TNFRSF4: variants seen among roughly 807,000 people sequenced by gnomAD.
TNFRSF4 encodes tumor necrosis factor receptor superfamily member 4.
TNFRSF4 carries 21 observed loss-of-function variants against 29.5 expected under a neutral mutation model. That is an observed-to-expected ratio of 0.71 (90% CI 0.51 to 1.03). TNFRSF4 has a LOEUF of 1.03. Ranked by LOEUF, TNFRSF4 falls within the 50% of genes least tolerant of loss-of-function variation. TNFRSF4 has a pLI of 0.00. For synonymous variants in TNFRSF4, 197 were observed against 172.7 expected (o/e 1.14, Z -1.10); for missense variants, 408 against 387.8 (o/e 1.05, Z -0.44).
Position 1,212,070 on chromosome 1 carries a change from C to T in TNFRSF4, c.506G>A (p.Arg169Lys). The T allele has an allele frequency of 1.2e-6, 2 of 1,612,340 alleles. No individual in the cohort carries two copies. Among genetic ancestry groups the T allele is most frequent in the Non-Finnish European group, 1.7e-6 (2 of 1,179,608 alleles). Reference protein sequence around the residue: ...SNSSDAICEDRDPPATQPQET... With the variant: ...SNSSDAICEDKDPPATQPQET... ...CTGGGGCTGCGTGGCTGGGGGGTCCCTGTCCTCACAGATTGCGTCCGAGCT... is the reference window on the plus strand; with the variant it reads ...CTGGGGCTGCGTGGCTGGGGGGTCCTTGTCCTCACAGATTGCGTCCGAGCT... The change falls in exon 5 of 7, where the codon AGG (arginine) becomes AAG (lysine). Residue 169 changes from arginine (R) to lysine (K), a missense_variant. Arg to Lys is a conservative substitution (Grantham distance 26). Transcript: ENST00000379236.
Position 1,211,788 on chromosome 1 carries a change from GC to G in TNFRSF4, c.678del (p.Leu227CysfsTer?), listed in dbSNP as rs2100949816. ...AGCAGGATGGCCAGGGGGCCCAGCA[GC>G]CCCAGCACCAGGCCCAGGCCCAGGA... ...AAILGLGLVL[G>X]LLGPLAILLA... is the part of the protein sequence containing the mutation. On this transcript the variant is annotated frameshift_variant, in exon 6 of 7. Transcript: ENST00000379236. LOFTEE classifies it high-confidence loss of function. 4 of 1,558,072 alleles carry G rather than the reference GC, an allele frequency of 2.6e-6. No individual in the cohort carries two copies. Among genetic ancestry groups the G allele is most frequent in the Middle Eastern group, 1.7e-4 (1 of 5,792 alleles).
Position 1,211,761 on chromosome 1 carries a change from C to T in TNFRSF4, c.706G>A (p.Ala236Thr). Reference protein sequence around the residue: ...GLLGPLAILLALYLLRRDQRL... With the variant: ...GLLGPLAILLTLYLLRRDQRL... ...TGGTCCCTCCGGAGCAGGTACAGGG[C>T]CAGCAGGATGGCCAGGGGGCCCAGC... Residue 236 changes from alanine to threonine, a missense_variant, in exon 6 of 7, where the codon GCC becomes ACC. Ala to Thr is a moderately conservative substitution (Grantham distance 58, BLOSUM62 0). Coordinates refer to ENST00000379236, the MANE Select transcript of TNFRSF4 (RefSeq NM_003327.4). The T allele has an allele frequency of 2.5e-6, 4 of 1,569,514 alleles. No individual in the cohort carries two copies. The highest frequency in any genetic ancestry group is 3.4e-6 in the Non-Finnish European group (4 of 1,159,512).
intron 2 of TNFRSF4, 44 bp downstream of exon 2, chr1:1,213,619 G>A (rs1002173564): frequency 1.9e-5 from 29 of 1,533,484 alleles, no homozygotes; most frequent in South Asian, 2.4e-5. Context: ...CCAGGCTGCC[G>A]CCCCCTGTGC....
rs1649089343 is a variant in TNFRSF4, at chr1:1,211,431, T to C, written c.*124A>G. The C allele has an allele frequency of 1.0e-6, 1 of 986,392 alleles. No individual in the cohort carries two copies. Among genetic ancestry groups the C allele is most frequent in the Admixed American group, 3.6e-5 (1 of 28,144 alleles). The allele number at this position is 986,392 out of a possible 1,614,324, so 61.1% of individuals were successfully genotyped here. On this transcript the variant is annotated 3_prime_UTR_variant, in exon 7 of 7. Coordinates refer to ENST00000379236, the MANE Select transcript of TNFRSF4 (RefSeq NM_003327.4). Reference sequence around the variant, plus strand: ...AGAGCCGGAGGCAGCCATCGGCACCTAGAACGGTGCAGAGTTGGCCCAGGA... The same window carrying C: ...AGAGCCGGAGGCAGCCATCGGCACCCAGAACGGTGCAGAGTTGGCCCAGGA...
rs990415972 is a variant in TNFRSF4, at chr1:1,214,129, C to A, written c.-2G>T. 1.3e-6 allele frequency: 2 copies of A among 1,575,678 alleles called. No homozygotes were observed. Among genetic ancestry groups the A allele is most frequent in the African/African-American group, 1.3e-5 (1 of 74,366 alleles). ...CAGCCGCCGAGCCCCCACGCACATC[C>A]TCGTCTCTGCTGTCGCCAGAGTCTG... On this transcript the variant is annotated 5_prime_UTR_variant, in exon 1 of 7. It adds an upstream start codon to the 5' untranslated region. Transcript: ENST00000379236. The surrounding 1 kb of genome is among the most constrained non-coding windows in gnomAD (Gnocchi z 4.2).
At chr1:1,213,173 G>A in intron 2 of TNFRSF4, 80 bp from the exon 3 acceptor site, 2 of 1,541,024 alleles carry the variant, frequency 1.3e-6, no homozygotes, top group Non-Finnish European at 8.7e-7. Flanking sequence ...CTGGAGGACA[G>A]GTTGGCCTCC....
chr1:1,212,649 C>T lies in TNFRSF4; in HGVS notation c.426G>A (p.Lys142=). 6 of 1,507,042 alleles carry T rather than the reference C, an allele frequency of 4.0e-6. No individual in the cohort carries two copies. Among genetic ancestry groups the T allele is most frequent in the African/African-American group, 1.4e-5 (1 of 70,536 alleles). The allele number at this position is 1,507,042 out of a possible 1,614,324, so 93.4% of individuals were successfully genotyped here. The part of the protein sequence containing the change: ...HFSPGDNQAC[K]PWTNCTLAGK... ...GCCAGGCCCCTCACTTGGTCCAGGG[C>T]TTGCAGGCCTGGTTGTCGCCTGGGG... Residue 142 remains lysine, a synonymous_variant, in exon 4 of 7, where the codon AAG becomes AAA. Coordinates refer to ENST00000379236, the MANE Select transcript of TNFRSF4 (RefSeq NM_003327.4).
chr1:1,212,346 C>A (rs1314919454), intron 4 of TNFRSF4, among the ~76,000 whole-genome samples: 2 of 152,204 alleles, frequency 1.3e-5, no homozygotes, highest in African/African-American at 2.4e-5. Context: ...CTACACCCCC[C>A]ACCAGCACCT....
chr1:1,212,717 T>C lies in TNFRSF4; in HGVS notation c.371-13A>G, dbSNP rs1649224746. The C allele has an allele frequency of 2.0e-6, 3 of 1,537,694 alleles. No homozygotes were observed. The highest frequency in any genetic ancestry group is 3.0e-5 in the African/African-American group (2 of 67,558). The stretch of plus-strand genomic sequence containing the variant: ...CAGGGGGCACAGTCTGCAACAAAGA[T>C]AGGGTGGTCAGGGGCTGCCCACAGG... On this transcript the variant is annotated splice_polypyrimidine_tract_variant and intron_variant, in intron 3 of 6. Coordinates refer to ENST00000379236, the MANE Select transcript of TNFRSF4 (RefSeq NM_003327.4).
chr1:1,213,265 C>T (rs1211425872), intron 2 of TNFRSF4, 172 bp from the exon 3 acceptor site: 1 of 1,532,820 alleles, frequency 6.5e-7, no homozygotes, highest in Non-Finnish European at 8.7e-7. Context: ...GCTCCTGGGC[C>T]CTCCCTTCCT....
rs1205638089 is a variant in TNFRSF4 at position 1,211,492 on chromosome 1, C to T, written c.*63G>A. 2.8e-5 allele frequency: 40 copies of T among 1,434,854 alleles called. No homozygotes were observed. Among genetic ancestry groups the T allele is most frequent in the East Asian group, 2.1e-4 (8 of 37,890 alleles). 88.9% of individuals were successfully genotyped at this position (1,434,854 alleles called of 1,614,324 possible). On this transcript the variant is annotated 3_prime_UTR_variant, in exon 7 of 7. Transcript: ENST00000379236. ...GCAGGCGGCCTGCACCTGCCCTGCT[C>T]GCCCAGCAGACCCTCCGGGCTCCAG...
intron 2 of TNFRSF4, 135 bp downstream of exon 2, chr1:1,213,528 T>A (rs771928984): frequency 2.0e-6 from 3 of 1,466,482 alleles, no homozygotes; most frequent in Middle Eastern, 1.8e-4. Context: ...AGGACCCCTG[T>A]GGCGGAGCAG....
Position 1,213,229 on chromosome 1 carries a change from G to A in TNFRSF4, c.269-136C>T, listed in dbSNP as rs545913061. ...GGCAGGGGTCTGCGGCCTCCCCTGAGACTTGGAGCCCCTGCAGCCCCCGAG... is the reference window on the plus strand; with the variant it reads ...GGCAGGGGTCTGCGGCCTCCCCTGAAACTTGGAGCCCCTGCAGCCCCCGAG... On this transcript the variant is annotated intron_variant, in intron 2 of 6. Coordinates refer to ENST00000379236, the MANE Select transcript of TNFRSF4 (RefSeq NM_003327.4). The A allele has an allele frequency of 9.1e-6, 14 of 1,534,800 alleles. No individual in the cohort carries two copies. In the African/African-American group the frequency reaches 1.6e-4, roughly 18 times the overall value.
chr1:1,213,852 G>A (rs1309619764), intron 1 of TNFRSF4, 67 bp from the exon 2 acceptor site: 28 of 1,506,418 alleles, frequency 1.9e-5, no homozygotes, highest in Middle Eastern at 2.2e-4. Context: ...CCCCCCAGGC[G>A]GCTCCTCTGC....
Position 1,212,009 on chromosome 1 carries a change from G to A in TNFRSF4, c.567C>T (p.Val189=), listed in dbSNP as rs775043045. The change falls in exon 5 of 7, where the codon GTC becomes GTT. Residue 189 remains valine (V), a synonymous_variant. Transcript: ENST00000379236. ...TTCTGGGCCAGGCTTCAGTGGGCTGGACAGTGATGGGCCTGGCCGGGGGGC... is the reference window on the plus strand; with the variant it reads ...TTCTGGGCCAGGCTTCAGTGGGCTGAACAGTGATGGGCCTGGCCGGGGGGC... The part of the protein sequence containing the change: ...TQGPPARPIT[V]QPTEAWPRTS... The A allele has an allele frequency of 1.2e-6, 2 of 1,609,640 alleles. No homozygotes were observed. The highest frequency in any genetic ancestry group is 1.7e-6 in the Non-Finnish European group (2 of 1,178,748).
At position 1,211,580 on chromosome 1, in the gene TNFRSF4, G is replaced by A. The variant is rs1649102314; in HGVS notation, c.809C>T (p.Ala270Val). Residue 270 changes from alanine (A) to valine (V), a missense_variant, in exon 7 of 7, where the codon GCC (alanine) becomes GTC (valine). By Grantham distance (64) the Ala-to-Val change is moderately conservative. Transcript: ENST00000379236. ...TCAGATCTTGGCCAGGGTGGAGTGG[G>A]CGTCGGCCTGCTCCTCTTGGATGGG... is the stretch of plus-strand genomic sequence containing the variant. ...RTPIQEEQADAHSTLAKI is the reference protein window; with the variant it reads ...RTPIQEEQADVHSTLAKI 6.6e-7 allele frequency: 1 copy of A among 1,516,752 alleles called. No individual in the cohort carries two copies. Among genetic ancestry groups the A allele is most frequent in the Non-Finnish European group, 8.8e-7 (1 of 1,133,504 alleles). 94.0% of individuals were successfully genotyped at this position (1,516,752 alleles called of 1,614,324 possible). A position where few individuals can be genotyped will look rare whatever the true frequency, so the allele number is the denominator to read the frequency against.
At chr1:1,213,906 C>T in intron 1 of TNFRSF4, 77 bp downstream of exon 1, 5 of 1,452,252 alleles carry the variant, frequency 3.4e-6, no homozygotes, top group Non-Finnish European at 4.6e-6. Context: ...CAGGACCAGC[C>T]TCCTGGCTGG....
chr1:1,213,961 G>T (rs758540952), intron 1 of TNFRSF4, 22 bp downstream of exon 1: 2 of 1,578,178 alleles, frequency 1.3e-6, no homozygotes, highest in East Asian at 4.5e-5. Context: ...CCCGTGCGTG[G>T]CGACCCCTCC....
At chr1:1,213,483 A>C in intron 2 of TNFRSF4, 180 bp downstream of exon 2, 1 of 1,474,084 alleles carries the variant, frequency 6.8e-7, no homozygotes, top group Non-Finnish European at 9.0e-7. Context: ...CCGGAGGGAG[A>C]GGGGGTGCCC....
Sources: allele counts gnomAD v4.1 joint callset (sites outside exome capture counted in the v4.1 genomes callset), GRCh38; gene constraint gnomAD v4.1.1; non-coding constraint Gnocchi (gnomAD v3.1); transcripts MANE v1.5; gene names NCBI Gene and HGNC (gene_info 2026-07-23, HGNC 2026-07-21).